Variants in SNTB2 observed in about 807,000 individuals in gnomAD.
The protein encoded by SNTB2 is beta-2-syntrophin.
SNTB2 carries 34 observed loss-of-function variants against 46.2 expected under a neutral mutation model. The observed-to-expected ratio is 0.74, with a 90% CI of 0.56 to 0.98. The LOEUF is 0.98. Ranked by LOEUF, SNTB2 falls within the 50% of genes least tolerant of loss-of-function variation. The pLI, the probability that SNTB2 is intolerant of heterozygous loss-of-function variation, is 0.00. For synonymous variants in SNTB2, 290 were observed against 312.6 expected (o/e 0.93, Z 0.76); for missense variants, 603 against 731.4 (o/e 0.82, Z 2.02).
intron 1 of SNTB2, among the ~76,000 whole-genome samples, chr16:69,203,589 C>T (rs1964187019): frequency 6.6e-6 from 1 of 151,764 alleles, no homozygotes; most frequent in Non-Finnish European, 1.5e-5. Flanking sequence ...ATCCTCCTAC[C>T]TAAGCCTCCC....
chr16:69,283,460 A>G (rs1021687559), intron 4 of SNTB2, among the ~76,000 whole-genome samples: 2 of 152,176 alleles, frequency 1.3e-5, no homozygotes, highest in African/African-American at 2.4e-5. Context: ...CTTCTTTACT[A>G]GCTGCATCTC....
chr16:69,192,647 T>C (rs976925592), intron 1 of SNTB2, among the ~76,000 whole-genome samples: 6 of 152,236 alleles, frequency 3.9e-5, no homozygotes, highest in African/African-American at 1.2e-4. Context: ...TGGTCAGTTA[T>C]GTTTAATATT....
rs34530998 is a variant in SNTB2, at chr16:69,249,023, C to CTT, written c.794+3226_794+3227dup. On this transcript the variant is annotated intron_variant, in intron 2 of 6. Coordinates refer to ENST00000336278, the MANE Select transcript of SNTB2 (RefSeq NM_006750.4). ...CAATTTTGTTATAAATCATTTCTTT[C>CTT]TTTTTTTTTTTTTTTTTTTGAGACA... Among the ~76,000 whole-genome samples, 12 of 125,802 alleles carry CTT rather than the reference C, an allele frequency of 9.5e-5. 1 individual carries two copies. The highest frequency in any genetic ancestry group is 7.7e-4 in the South Asian group (3 of 3,888). 82.5% of individuals were successfully genotyped at this position (125,802 alleles called of 152,430 possible). A position where few individuals can be genotyped will look rare whatever the true frequency, so the allele number is the denominator to read the frequency against.
chr16:69,242,271 A>G (rs977764365), intron 1 of SNTB2, among the ~76,000 whole-genome samples: 1 of 152,038 alleles, frequency 6.6e-6, no homozygotes, highest in African/African-American at 2.4e-5. Context: ...ACAAAAAATT[A>G]AAAAGTTAGC....
chr16:69,259,809 C>G (rs543268290), intron 2 of SNTB2, among the ~76,000 whole-genome samples: 2 of 146,034 alleles, frequency 1.4e-5, no homozygotes, highest in Non-Finnish European at 3.0e-5. Context: ...AGAGTTTCAC[C>G]GTGTTGCCCA....
intron 2 of SNTB2, among the ~76,000 whole-genome samples, chr16:69,255,864 G>A (rs1258686593): frequency 6.8e-6 from 1 of 147,196 alleles, no homozygotes; most frequent in East Asian, 2.0e-4. Flanking sequence ...GCAACAAGAG[G>A]TAAACTCTGT....
At chr16:69,237,605 T>TTCTTTC (rs111931261) in intron 1 of SNTB2, among the ~76,000 whole-genome samples, 1 of 135,862 alleles carries the variant, frequency 7.4e-6, no homozygotes, top group African/African-American at 2.9e-5. Context: ...CTTTCTTTCT[T>TTCTTTC]TTTTTTTTTT....
At chr16:69,253,268 T>G (rs865882151) in intron 2 of SNTB2, among the ~76,000 whole-genome samples, 1 of 152,272 alleles carries the variant, frequency 6.6e-6, no homozygotes, top group Middle Eastern at 3.4e-3. Flanking sequence ...GGTCCTATTT[T>G]GGAGCTTCTT....
chr16:69,277,034 A>T (rs573526132), intron 4 of SNTB2, among the ~76,000 whole-genome samples: 1 of 152,344 alleles, frequency 6.6e-6, no homozygotes, highest in South Asian at 2.1e-4. Flanking sequence ...CTGTTGTCTC[A>T]AGGAAAAGCA....
chr16:69,209,816 T>G (rs1964260963), intron 1 of SNTB2, among the ~76,000 whole-genome samples: 1 of 152,070 alleles, frequency 6.6e-6, no homozygotes, highest in Admixed American at 6.6e-5. Context: ...CAAAGATACC[T>G]TTTTCTTATA....
rs187556149 is a variant in SNTB2, at chr16:69,283,972, T to G, written c.1149-76T>G. On this transcript the variant is annotated intron_variant, in intron 4 of 6. Transcript: ENST00000336278. Reference sequence around the variant, plus strand: ...TGATTGCTTTTATAAGTTTCTCTTATCAATGAGCACAAATTCCTGACATTT... The same window carrying G: ...TGATTGCTTTTATAAGTTTCTCTTAGCAATGAGCACAAATTCCTGACATTT... The G allele has an allele frequency of 1.4e-5, 19 of 1,355,948 alleles. No homozygotes were observed. Among genetic ancestry groups the G allele is most frequent in the Middle Eastern group, 3.8e-4 (2 of 5,310 alleles). The allele number at this position is 1,355,948 out of a possible 1,614,324, so 84.0% of individuals were successfully genotyped here. A position where few individuals can be genotyped will look rare whatever the true frequency, so the allele number is the denominator to read the frequency against.
chr16:69,241,168 C>CT (rs747664809), intron 1 of SNTB2, among the ~76,000 whole-genome samples: 3,242 of 59,290 alleles, frequency 0.055, 516 homozygotes, highest in Admixed American at 0.07. Flanking sequence ...CCTGGATAAG[C>CT]TTTTTTTTTT....
chr16:69,232,463 C>T (rs1964515778), intron 1 of SNTB2, among the ~76,000 whole-genome samples: 2 of 148,816 alleles, frequency 1.3e-5, no homozygotes, highest in African/African-American at 2.5e-5. Context: ...CCTCAGCCTC[C>T]CAAAGTGCTG....
intron 1 of SNTB2, chr16:69,235,755 A>T (rs1379021616): frequency 7.8e-7 from 1 of 1,289,334 alleles, no homozygotes; most frequent in Non-Finnish European, 1.0e-6. Context: ...CAGGCCTATA[A>T]TGAGGAAATT....
At chr16:69,203,096 G>A (rs1173899170) in intron 1 of SNTB2, among the ~76,000 whole-genome samples, 1 of 151,510 alleles carries the variant, frequency 6.6e-6, no homozygotes, top group Non-Finnish European at 1.5e-5. Flanking sequence ...TCAGCTCACT[G>A]CAACCTCCAT....
chr16:69,281,384 A>T (rs1286765606), intron 4 of SNTB2, among the ~76,000 whole-genome samples: 2 of 151,000 alleles, frequency 1.3e-5, no homozygotes, highest in African/African-American at 4.9e-5. Flanking sequence ...GGCGTCCACC[A>T]CCATCCCAGG....
intron 5 of SNTB2, among the ~76,000 whole-genome samples, chr16:69,287,532 T>C (rs1287659222): frequency 2.0e-5 from 3 of 152,078 alleles, no homozygotes; most frequent in Non-Finnish European, 4.4e-5. Flanking sequence ...ATTGCGCCAC[T>C]GCACTCCAAG....
At chr16:69,201,474 C>T (rs1019214195) in intron 1 of SNTB2, among the ~76,000 whole-genome samples, 1 of 152,052 alleles carries the variant, frequency 6.6e-6, no homozygotes, top group Admixed American at 6.6e-5. Context: ...GACATAAAAT[C>T]CTTTAATACT....
At chr16:69,237,315 A>G (rs1964568166) in intron 1 of SNTB2, among the ~76,000 whole-genome samples, 1 of 152,210 alleles carries the variant, frequency 6.6e-6, no homozygotes, top group African/African-American at 2.4e-5. Flanking sequence ...GTGCATTGCC[A>G]TACATATTGG....
Sources: allele counts gnomAD v4.1 joint callset (sites outside exome capture counted in the v4.1 genomes callset), GRCh38; gene constraint gnomAD v4.1.1; transcripts MANE v1.5; gene names NCBI Gene and HGNC (gene_info 2026-07-23, HGNC 2026-07-21).